Variants in COPS7B observed in about 807,000 individuals in gnomAD.
COPS7B encodes COP9 signalosome subunit 7B, also known as COP9 signalosome complex subunit 7b.
A neutral mutation model predicts 33.4 loss-of-function variants in COPS7B; 9 were observed. The ratio of observed to expected loss-of-function variants is 0.27; its 90% CI spans 0.16 to 0.47. The LOEUF is 0.47. Among genes scored for constraint, COPS7B ranks in the 20% least tolerant of loss-of-function variants. COPS7B has a pLI of 0.99. For synonymous variants in COPS7B, 119 were observed against 126.3 expected, an observed-to-expected ratio of 0.94 and a Z score of 0.39; for missense variants, 242 against 318.2, an observed-to-expected ratio of 0.76 and a Z score of 1.82.
chr2:231,789,683 A>G (rs931914712), intron 2 of COPS7B: 1 of 152,204 alleles, frequency 6.6e-6, no homozygotes, highest in Non-Finnish European at 1.5e-5. Flanking sequence ...TTTGTTGGGC[A>G]GTTTATCACC....
chr2:231,793,136 C>T (rs1186744381), intron 3 of COPS7B, among the ~76,000 whole-genome samples: 3 of 152,166 alleles, frequency 2.0e-5, no homozygotes, highest in South Asian at 2.1e-4. Context: ...TCAATTTCCT[C>T]GTCTGTAAAG....
intron 3 of COPS7B, 81 bp from the exon 4 acceptor site, chr2:231,794,175 TGGTTTGG>T (rs2049500077): frequency 3.2e-6 from 3 of 935,156 alleles, no homozygotes; most frequent in Non-Finnish European, 5.1e-6. Flanking sequence ...GTAGTAGATT[TGGTTTGG>T]GGAGTTGGTG....
chr2:231,786,651 C>G, intron 1 of COPS7B, 113 bp downstream of exon 1: 1 of 377,290 alleles, frequency 2.7e-6, no homozygotes. Flanking sequence ...GCCCCGCCCC[C>G]GCCTTGGGGA....
At chr2:231,802,820 A>T (rs1249087364) in intron 6 of COPS7B, among the ~76,000 whole-genome samples, 1 of 152,246 alleles carries the variant, frequency 6.6e-6, no homozygotes, top group African/African-American at 2.4e-5. Context: ...AGAGTCTGTC[A>T]GTGCTTCAGA....
intron 2 of COPS7B, chr2:231,789,483 A>T (rs1009970309): frequency 6.5e-6 from 1 of 152,878 alleles, no homozygotes; most frequent in South Asian, 1.9e-4. Flanking sequence ...CTTTTGGCGG[A>T]TTGGTGGGGC....
chr2:231,807,849 A>G lies in COPS7B; in HGVS notation c.*204A>G. ...CTCCTTCCCCAGTTGTTCCCTTCAG[A>G]CTCAGGGGCTCCACCAATGCCATCC... On this transcript the variant is annotated 3_prime_UTR_variant, in exon 7 of 7. Coordinates refer to ENST00000350033, the MANE Select transcript of COPS7B (RefSeq NM_022730.4). 1 of 505,822 alleles carries G rather than the reference A, an allele frequency of 2.0e-6. No homozygotes were observed. Among genetic ancestry groups the G allele is most frequent in the Non-Finnish European group, 3.5e-6 (1 of 287,072 alleles). 31.3% of individuals were successfully genotyped at this position (505,822 alleles called of 1,614,324 possible). A position where few individuals can be genotyped will look rare whatever the true frequency, so the allele number is the denominator to read the frequency against.
intron 3 of COPS7B, chr2:231,793,703 CCT>C (rs1395891904): frequency 6.6e-6 from 1 of 152,272 alleles, no homozygotes; most frequent in Non-Finnish European, 1.5e-5. Context: ...TTCTCTTACC[CCT>C]GTCTCCTCCC....
At chr2:231,807,226 T>C (rs2049919620) in intron 6 of COPS7B, among the ~76,000 whole-genome samples, 2 of 152,322 alleles carry the variant, frequency 1.3e-5, no homozygotes, top group East Asian at 1.9e-4. Flanking sequence ...ATTTCACTGT[T>C]GGTGATGTGC....
intron 6 of COPS7B, among the ~76,000 whole-genome samples, chr2:231,804,627 A>G (rs1204506754): frequency 6.6e-6 from 1 of 152,224 alleles, no homozygotes; most frequent in African/African-American, 2.4e-5. Flanking sequence ...ACAAGATGAA[A>G]TTAGGAATTT....
At chr2:231,806,995 C>T (rs1444629460) in intron 6 of COPS7B, among the ~76,000 whole-genome samples, 3 of 152,208 alleles carry the variant, frequency 2.0e-5, no homozygotes, top group Non-Finnish European at 4.4e-5. Flanking sequence ...GAAAGCTATA[C>T]TGCACACGGT....
chr2:231,796,772 A>G (rs185123980), intron 5 of COPS7B, among the ~76,000 whole-genome samples: 37 of 152,382 alleles, frequency 2.4e-4, no homozygotes, highest in Admixed American at 1.2e-3. Context: ...TTACGTTCAA[A>G]ATCAGTAACA....
chr2:231,808,667 A>AT lies in COPS7B; in HGVS notation c.*1022_*1023insT. The AT allele has an allele frequency of 1.0e-5, 3 of 298,030 alleles. No individual in the cohort carries two copies. The highest frequency in any genetic ancestry group is 9.0e-5 in the South Asian group (3 of 33,186). 18.5% of individuals were successfully genotyped at this position (298,030 alleles called of 1,614,324 possible). ...CTTGAACAGTTTCAGGTTATATTTT[A>AT]ATTTTTTTTTTTTTGTACAGGTTCT... On this transcript the variant is annotated 3_prime_UTR_variant, in exon 7 of 7. Transcript: ENST00000350033.
intron 1 of COPS7B, among the ~76,000 whole-genome samples, chr2:231,788,345 A>T (rs1414083295): frequency 3.3e-5 from 5 of 152,126 alleles, no homozygotes; most frequent in Admixed American, 2.0e-4. Context: ...CATGTTGCCC[A>T]TACTGGTCTC....
Position 231,788,621 on chromosome 2 carries a change from A to G in COPS7B, c.51A>G (p.Leu17=), listed in dbSNP as rs759021752. 6.8e-6 allele frequency: 11 copies of G among 1,614,144 alleles called. No homozygotes were observed. In the South Asian group the frequency reaches 9.9e-5, roughly 15 times the overall value. Residue 17 remains leucine (L), a synonymous_variant, in exon 2 of 7, where the codon TTA becomes TTG. Coordinates refer to ENST00000350033, the MANE Select transcript of COPS7B (RefSeq NM_022730.4). ...PSSNLLEQFI[L]LAKGTSGSAL... is the part of the protein sequence containing the mutation. Reference sequence around the variant, plus strand: ...GTAATCTCCTGGAGCAGTTTATTTTACTAGCCAAAGGTACCAGTGGCTCAG... The same window carrying G: ...GTAATCTCCTGGAGCAGTTTATTTTGCTAGCCAAAGGTACCAGTGGCTCAG...
intron 6 of COPS7B, among the ~76,000 whole-genome samples, chr2:231,799,394 G>T (rs566290495): frequency 6.6e-6 from 1 of 152,152 alleles, no homozygotes; most frequent in Non-Finnish European, 1.5e-5. Context: ...TAAGTTGCGT[G>T]GTGGGCACAT....
At chr2:231,804,109 A>G (rs1316399534) in intron 6 of COPS7B, among the ~76,000 whole-genome samples, 1 of 152,192 alleles carries the variant, frequency 6.6e-6, no homozygotes, top group Non-Finnish European at 1.5e-5. Context: ...CTACAAAAAC[A>G]TAGGTGAAGC....
Position 231,798,982 on chromosome 2 carries a change from C to A in COPS7B, c.636+18C>A. The A allele has an allele frequency of 6.3e-7, 1 of 1,598,716 alleles. No homozygotes were observed. ...AAGCAGAGGTAAGGAAGGAAAGGAACATTTGTTTCTCTCTCCAGGCATACC... is the reference window on the plus strand; with the variant it reads ...AAGCAGAGGTAAGGAAGGAAAGGAAAATTTGTTTCTCTCTCCAGGCATACC... On this transcript the variant is annotated intron_variant, in intron 6 of 6. Transcript: ENST00000350033.
intron 4 of COPS7B, among the ~76,000 whole-genome samples, chr2:231,794,794 C>T (rs536429300): frequency 2.6e-5 from 4 of 152,248 alleles, no homozygotes; most frequent in East Asian, 1.9e-4. Flanking sequence ...CTCACTCTGT[C>T]GCCCAGGCTG....
intron 2 of COPS7B, chr2:231,790,210 A>C (rs2049372426): frequency 6.6e-6 from 1 of 152,246 alleles, no homozygotes; most frequent in South Asian, 2.1e-4. Flanking sequence ...TGAATATGCC[A>C]AGTAGTTGTT....
Sources: allele counts gnomAD v4.1 joint callset (sites outside exome capture counted in the v4.1 genomes callset), GRCh38; gene constraint gnomAD v4.1.1; transcripts MANE v1.5; gene names NCBI Gene and HGNC (gene_info 2026-07-23, HGNC 2026-07-21).